NLRC3: variants seen among roughly 807,000 people sequenced by gnomAD.
The protein encoded by NLRC3 is NLR family CARD domain containing 3.
A neutral mutation model predicts 91.6 loss-of-function variants in NLRC3; 87 were observed. The observed-to-expected ratio is 0.95, with a 90% confidence interval of 0.80 to 1.14. The LOEUF is 1.14. Among genes scored for constraint, NLRC3 ranks in the 50% most tolerant of loss-of-function variants. The probability of loss-of-function intolerance (pLI) is 0.00; values close to 1 mark genes in which losing one functional copy is unlikely to be tolerated. For synonymous variants in NLRC3, 694 were observed against 625.3 expected (o/e 1.11, Z -1.64); for missense variants, 1,577 against 1,418.6 (o/e 1.11, Z -1.79).
rs1163445427 is a variant in NLRC3 at position 3,564,675 on chromosome 16, C to T, written c.262G>A (p.Ala88Thr). The T allele has an allele frequency of 1.2e-6, 2 of 1,603,222 alleles. No homozygotes were observed. Among genetic ancestry groups the T allele is most frequent in the Non-Finnish European group, 8.5e-7 (1 of 1,179,238 alleles). ...AGGCCCTCCACCAGCAGGAGGGAGG[C>T]CAGCCTGTGCCAGGGTCCGCCCAGC... The part of the protein sequence containing the change: ...PELGGPWHRL[A>T]SLLLVEGLTD... Residue 88 changes from alanine (A) to threonine (T), a missense_variant, in exon 5 of 20, where the codon GCC (alanine) becomes ACC (threonine). Coordinates refer to ENST00000359128, the MANE Select transcript of NLRC3 (RefSeq NM_178844.4). This position sits in a 1 kb window ranked among gnomAD's most constrained non-coding sequence, Gnocchi z 5.9.
Position 3,563,840 on chromosome 16 carries a change from C to T in NLRC3, c.1097G>A (p.Trp366Ter). The T allele has an allele frequency of 1.9e-6, 3 of 1,607,880 alleles. No homozygotes were observed. The highest frequency in any genetic ancestry group is 2.5e-6 in the Non-Finnish European group (3 of 1,176,804). The change falls in exon 5 of 20, where the codon TGG (tryptophan) becomes TAG (stop). Residue 366 changes from tryptophan (W) to a stop codon, truncating the protein, a stop_gained. Transcript: ENST00000359128. LOFTEE classifies it high-confidence loss of function. The stretch of plus-strand genomic sequence containing the variant: ...CCCGCTGAGGGCCATCCTAAAGTAC[C>T]ATGAGTAGAGCTCGCACAGGGTCCT... ...PPRTLCELYS[W>*]YFRMALSGEG...
chr16:3,564,143 AT>A lies in NLRC3; in HGVS notation c.793del (p.Ile265SerfsTer19), dbSNP rs777010997. On this transcript the variant is annotated frameshift_variant, in exon 5 of 20. Coordinates refer to ENST00000359128, the MANE Select transcript of NLRC3 (RefSeq NM_178844.4). LOFTEE classifies it high-confidence loss of function. The surrounding 1 kb of genome is among the most constrained non-coding windows in gnomAD (Gnocchi z 5.9). The stretch of plus-strand genomic sequence containing the variant: ...GCCAGATGCACTGGGACGGGAGGTG[AT>A]CCAGATGGAAACTTCCGGAAAGAGG... ...GNLFPEVSIW[I>X]TSRPSASGQI... 5.0e-6 allele frequency: 8 copies of A among 1,613,640 alleles called. No homozygotes were observed. The Admixed American group carries it at 1.0e-4, about 20-fold the overall frequency.
intron 9 of NLRC3, among the ~76,000 whole-genome samples, chr16:3,553,531 C>A (rs2039121097): frequency 6.6e-6 from 1 of 152,154 alleles, no homozygotes; most frequent in African/African-American, 2.4e-5. Flanking sequence ...CTGCCTGGCC[C>A]TCTTGCCTGA....
chr16:3,577,342 A>T lies in NLRC3; in HGVS notation c.-362T>A. On this transcript the variant is annotated 5_prime_UTR_variant, in exon 1 of 20. Transcript: ENST00000359128. The stretch of plus-strand genomic sequence containing the variant: ...CAACCAACCAACCGTGTGGGGGCCG[A>T]GAGCAGTGCAGCCCCGACCTTCTGC... The T allele has an allele frequency of 1.6e-6, 1 of 638,200 alleles. No homozygotes were observed. The highest frequency in any genetic ancestry group is 2.8e-6 in the Non-Finnish European group (1 of 352,396). 39.5% of individuals were successfully genotyped at this position (638,200 alleles called of 1,614,324 possible).
At chr16:3,551,605 A>T (rs1422797186) in intron 10 of NLRC3, among the ~76,000 whole-genome samples, 2 of 149,888 alleles carry the variant, frequency 1.3e-5, no homozygotes, top group African/African-American at 5.0e-5. Flanking sequence ...TCATCCACCC[A>T]TCCATCCATC....
intron 9 of NLRC3, among the ~76,000 whole-genome samples, chr16:3,552,581 G>A (rs571450180): frequency 6.6e-6 from 1 of 152,266 alleles, no homozygotes; most frequent in African/African-American, 2.4e-5. Context: ...CCATGGACAA[G>A]TCTCTCTGGT....
At position 3,564,909 on chromosome 16, in the gene NLRC3, G is replaced by A. The variant is rs773356496; in HGVS notation, c.128C>T (p.Pro43Leu). The A allele has an allele frequency of 1.2e-5, 19 of 1,609,812 alleles. No homozygotes were observed. The highest frequency in any genetic ancestry group is 8.3e-5 in the Admixed American group (5 of 59,926). ...ATCCGGTGTCCTATCCAGGGCCTGC[G>A]GGGCCTGGGAGCCTTGACTGCCCTT... ...AGKGSQGSQA[P>L]QALDRTPDAP... Residue 43 changes from proline to leucine, a missense_variant, in exon 4 of 20, where the codon CCG (proline) becomes CTG (leucine). Physicochemically the swap from Pro to Leu is moderately conservative, Grantham distance 98. Coordinates refer to ENST00000359128, the MANE Select transcript of NLRC3 (RefSeq NM_178844.4). This position sits in a 1 kb window ranked among gnomAD's most constrained non-coding sequence, Gnocchi z 5.9.
Position 3,554,259 on chromosome 16 carries a change from C to T in NLRC3, c.2250G>A (p.Arg750=). The T allele has an allele frequency of 6.2e-7, 1 of 1,613,178 alleles. No homozygotes were observed. The highest frequency in any genetic ancestry group is 8.5e-7 in the Non-Finnish European group (1 of 1,179,172). Residue 750 remains arginine (R), a synonymous_variant, in exon 9 of 20, where the codon CGG becomes CGA. Transcript: ENST00000359128. The part of the protein sequence containing the change: ...RSMAEALASN[R]TLSMLHLQKN... ...TCACTCACTGCAGCATGGAGAGGGT[C>T]CGGTTGGAGGCCAAGGCCTCAGCCA... is the stretch of plus-strand genomic sequence containing the variant.
intron 5 of NLRC3, 29 bp downstream of exon 5, chr16:3,562,980 C>T (rs1272253399): frequency 3.2e-6 from 5 of 1,543,320 alleles, no homozygotes; most frequent in Non-Finnish European, 4.4e-6. Flanking sequence ...GCCCCTTCCC[C>T]AGCCCCTGCC....
chr16:3,554,006 C>T (rs531683779), intron 9 of NLRC3, among the ~76,000 whole-genome samples: 23 of 152,134 alleles, frequency 1.5e-4, no homozygotes, highest in African/African-American at 5.5e-4. Context: ...CTTGGCCTCC[C>T]AAAGTGCTGG....
intron 9 of NLRC3, 34 bp downstream of exon 9, chr16:3,554,199 GGAGAAGGGA>G (rs775656699): frequency 7.7e-6 from 11 of 1,426,704 alleles, no homozygotes; most frequent in Non-Finnish European, 9.9e-6. Context: ...GGAGGAGGAG[GGAGAAGGGA>G]GAGAAGGGGG....
chr16:3,551,583 C>G (rs943196718), intron 10 of NLRC3, among the ~76,000 whole-genome samples: 7 of 150,724 alleles, frequency 4.6e-5, no homozygotes, highest in African/African-American at 1.7e-4. Flanking sequence ...ATCAATGCAT[C>G]CATTCATCCA....
intron 9 of NLRC3, among the ~76,000 whole-genome samples, chr16:3,552,659 G>T (rs1465739632): frequency 6.6e-6 from 1 of 152,104 alleles, no homozygotes; most frequent in Admixed American, 6.6e-5. Context: ...ACCTCCCTAG[G>T]GGCCAGGTAC....
In NLRC3 at chr16:3,577,154, G is replaced by C; in HGVS notation, c.-174C>G. 2.8e-6 allele frequency: 2 copies of C among 702,974 alleles called. No homozygotes were observed. The highest frequency in any genetic ancestry group is 5.4e-5 in the East Asian group (2 of 37,284). The allele number at this position is 702,974 out of a possible 1,614,324, so 43.5% of individuals were successfully genotyped here. ...GTCACCTGGACCCAACTTACCTCCCGGGCCTCGATGCTGCTCCAGGGACAG... is the reference window on the plus strand; with the variant it reads ...GTCACCTGGACCCAACTTACCTCCCCGGCCTCGATGCTGCTCCAGGGACAG... On this transcript the variant is annotated 5_prime_UTR_variant, in exon 1 of 20. Transcript: ENST00000359128.
chr16:3,555,273 T>A (rs530207092), intron 8 of NLRC3, among the ~76,000 whole-genome samples: 5 of 150,352 alleles, frequency 3.3e-5, no homozygotes, highest in African/African-American at 1.2e-4. Context: ...GAAGGAAGCA[T>A]TGACACATGG....
intron 17 of NLRC3, 153 bp from the exon 18 acceptor site, chr16:3,542,928 C>T (rs1292408693): frequency 3.3e-6 from 2 of 597,260 alleles, no homozygotes; most frequent in Non-Finnish European, 6.0e-6. Context: ...TCCAGGGCAA[C>T]AGGGCAGAGC....
In NLRC3 at chr16:3,577,325, C is replaced by T; in HGVS notation, c.-345G>A. The T allele has an allele frequency of 1.5e-6, 1 of 649,102 alleles. No individual in the cohort carries two copies. The highest frequency in any genetic ancestry group is 2.8e-6 in the Non-Finnish European group (1 of 357,140). The allele number at this position is 649,102 out of a possible 1,614,324, so 40.2% of individuals were successfully genotyped here. A position where few individuals can be genotyped will look rare whatever the true frequency, so the allele number is the denominator to read the frequency against. ...CAGGGCACTTACCACGCCAACCAACCAACCGTGTGGGGGCCGAGAGCAGTG... is the reference window on the plus strand; with the variant it reads ...CAGGGCACTTACCACGCCAACCAACTAACCGTGTGGGGGCCGAGAGCAGTG... On this transcript the variant is annotated 5_prime_UTR_variant, in exon 1 of 20. Transcript: ENST00000359128.
intron 1 of NLRC3, among the ~76,000 whole-genome samples, chr16:3,574,500 CA>C (rs1567158880): frequency 2.6e-5 from 4 of 152,096 alleles, no homozygotes; most frequent in Admixed American, 6.5e-5. Flanking sequence ...GCAGGACTCA[CA>C]AGCGCCTGGG....
At position 3,564,363 on chromosome 16, in the gene NLRC3, G is replaced by T. The variant is rs61732414; in HGVS notation, c.574C>A (p.Arg192=). Residue 192 remains arginine (R), a synonymous_variant, in exon 5 of 20, where the codon CGA becomes AGA. Transcript: ENST00000359128. The surrounding 1 kb of genome is among the most constrained non-coding windows in gnomAD (Gnocchi z 5.9). The part of the protein sequence containing the change: ...LNTHEKLCAD[R]LICSVFPHVG... ...TGCGGGAAGACCGAGCAGATGAGTC[G>T]GTCGGCACACAGCTTCTCGTGGGTG... The T allele has an allele frequency of 6.7e-5, 108 of 1,612,026 alleles. No homozygotes were observed. In the African/African-American group the frequency reaches 1.3e-3, roughly 20 times the overall value.
Sources: gnomAD v4.1 joint callset for allele counts (sites outside exome capture counted in the v4.1 genomes callset) on GRCh38, gnomAD v4.1.1 for gene constraint, Gnocchi (gnomAD v3.1) non-coding constraint, MANE v1.5 for transcripts, NCBI Gene and HGNC (gene_info 2026-07-23, HGNC 2026-07-21) for gene names.